AOPEP: variants seen among roughly 807,000 people sequenced by gnomAD.
The protein encoded by AOPEP is aminopeptidase O (putative), also known as aminopeptidase O.
Under a neutral mutation model 98.1 loss-of-function variants are expected in AOPEP, and 77 were observed. That is an observed-to-expected ratio of 0.78 (90% CI 0.65 to 0.95). The LOEUF (loss-of-function observed/expected upper bound fraction) is 0.95, where lower values mean the gene tolerates loss of function less well. Among genes scored for constraint, AOPEP ranks in the 40% least tolerant of loss-of-function variants. The pLI, the probability that AOPEP is intolerant of heterozygous loss-of-function variation, is 0.00. For missense variants in AOPEP, 1,024 were observed against 1,024.7 expected (o/e 1.00, Z 0.01); for synonymous variants, 346 against 365.3 (o/e 0.95, Z 0.60).
chr9:95,011,187 T>C (rs987577613), intron 13 of AOPEP, among the ~76,000 whole-genome samples: 1 of 151,138 alleles, frequency 6.6e-6, no homozygotes, highest in Non-Finnish European at 1.5e-5. Context: ...ATTTACTTAT[T>C]TTTCCTAATT....
intron 10 of AOPEP, among the ~76,000 whole-genome samples, chr9:94,976,614 G>C (rs990860343): frequency 1.4e-4 from 21 of 151,168 alleles, no homozygotes; most frequent in Non-Finnish European, 2.6e-4. Context: ...AATATCTTAT[G>C]GGAAAGGTGG....
chr9:94,863,908 T>C (rs1446433282), intron 5 of AOPEP, among the ~76,000 whole-genome samples: 1 of 152,188 alleles, frequency 6.6e-6, no homozygotes, highest in Non-Finnish European at 1.5e-5. Flanking sequence ...TTCGCTTGCA[T>C]CTTACCAGTT....
chr9:94,920,325 A>G (rs1237082182), intron 5 of AOPEP: 5 of 151,598 alleles, frequency 3.3e-5, no homozygotes, highest in Non-Finnish European at 7.3e-5. Flanking sequence ...CTCCGTCTCA[A>G]AAAAAAAAAT....
intron 4 of AOPEP, among the ~76,000 whole-genome samples, chr9:94,796,672 A>G (rs186021921): frequency 6.6e-6 from 1 of 152,318 alleles, no homozygotes; most frequent in East Asian, 1.9e-4. Context: ...TTTTATGATC[A>G]GTGTTCATGT....
intron 5 of AOPEP, among the ~76,000 whole-genome samples, chr9:94,830,686 T>C (rs1386639351): frequency 1.3e-5 from 2 of 152,224 alleles, no homozygotes; most frequent in Admixed American, 6.5e-5. Context: ...AAAGCATTCT[T>C]TTTTTCTTTG....
intron 5 of AOPEP, among the ~76,000 whole-genome samples, chr9:94,888,294 CGTGTGTGTGT>C (rs59342995): frequency 1.7e-4 from 24 of 137,688 alleles, no homozygotes; most frequent in East Asian, 1.1e-3. Context: ...AGAACCTTAC[CGTGTGTGTGT>C]GTGTGTGTGT....
At chr9:95,012,896 G>A (rs1432415104) in intron 13 of AOPEP, among the ~76,000 whole-genome samples, 3 of 137,970 alleles carry the variant, frequency 2.2e-5, no homozygotes, top group East Asian at 4.3e-4. Context: ...TTTTTTTTTC[G>A]CTATTCAGGT....
At chr9:94,974,295 A>ATT (rs1194471290) in intron 10 of AOPEP, among the ~76,000 whole-genome samples, 2 of 152,194 alleles carry the variant, frequency 1.3e-5, no homozygotes, top group East Asian at 3.9e-4. Flanking sequence ...ATAGGGCATG[A>ATT]TGCAGTGTGA....
chr9:95,050,851 G>C (rs1485805622), intron 13 of AOPEP, among the ~76,000 whole-genome samples: 1 of 152,226 alleles, frequency 6.6e-6, no homozygotes, highest in Non-Finnish European at 1.5e-5. Flanking sequence ...CAGGAACTGG[G>C]AGTAATGGAA....
chr9:94,784,980 C>T (rs1844086697), intron 3 of AOPEP, among the ~76,000 whole-genome samples: 1 of 151,998 alleles, frequency 6.6e-6, no homozygotes, highest in East Asian at 1.9e-4. Flanking sequence ...GTTGCCCAGG[C>T]TGAAGTGCAA....
At chr9:94,787,108 A>G (rs1844599994) in intron 3 of AOPEP, among the ~76,000 whole-genome samples, 1 of 152,238 alleles carries the variant, frequency 6.6e-6, no homozygotes, top group African/African-American at 2.4e-5. Flanking sequence ...AACTTCAGAG[A>G]AGACTGTGAG....
the AOPEP span, among the ~76,000 whole-genome samples, chr9:95,112,019 A>T: frequency 6.6e-6 from 1 of 152,234 alleles, no homozygotes; most frequent in Non-Finnish European, 1.5e-5. Context: ...GGTAGGACGC[A>T]GGCAGAAACA....
At chr9:95,049,973 C>G (rs113770687) in intron 13 of AOPEP, among the ~76,000 whole-genome samples, 1,648 of 152,286 alleles carry the variant, frequency 0.011, 19 homozygotes, top group Non-Finnish European at 0.016. Context: ...CAACTTCAGG[C>G]TGCTCCAGGC....
rs143915012 is a variant in AOPEP at position 94,861,832 on chromosome 9, C to G, written c.1364+60830C>G. On this transcript the variant is annotated intron_variant, in intron 5 of 16. Transcript: ENST00000375315. ...CTGTAACTGCATGGGTCGGGTCCTC[C>G]GTGCTTCTGTAGGACCTGCTCTTCT... Among the ~76,000 whole-genome samples the G allele has an allele frequency of 5.2e-3, 795 of 152,304 alleles. 7 individuals carry two copies. The highest frequency in any genetic ancestry group is 0.01 in the Middle Eastern group (3 of 294).
intron 11 of AOPEP, among the ~76,000 whole-genome samples, chr9:94,981,484 C>T (rs1488756591): frequency 6.6e-6 from 1 of 152,078 alleles, no homozygotes; most frequent in Non-Finnish European, 1.5e-5. Flanking sequence ...CAGAAAAGAC[C>T]CTGATTTAGC....
downstream of AOPEP, among the ~76,000 whole-genome samples, chr9:95,089,843 T>TCC (rs745468968): frequency 6.6e-6 from 1 of 151,892 alleles, no homozygotes; most frequent in African/African-American, 2.4e-5. Context: ...AGATATTAGC[T>TCC]CCCCCCACCC....
chr9:94,780,028 A>C (rs1039585857), intron 3 of AOPEP, among the ~76,000 whole-genome samples: 3 of 152,234 alleles, frequency 2.0e-5, no homozygotes, highest in Non-Finnish European at 4.4e-5. Flanking sequence ...CAGTACTCAC[A>C]TCTGGATGAT....
At chr9:94,734,102 C>T (rs920569996) in intron 1 of AOPEP, among the ~76,000 whole-genome samples, 14 of 152,106 alleles carry the variant, frequency 9.2e-5, no homozygotes, top group African/African-American at 3.4e-4. Flanking sequence ...TGGCAATCCT[C>T]TGAGTTTATA....
rs1457725352 is a variant in AOPEP at position 94,980,016 on chromosome 9, A to C, written c.1977+589A>C. 6.6e-6 allele frequency among the ~76,000 whole-genome samples: 1 copy of C among 152,164 alleles called. No individual in the cohort carries two copies. Among genetic ancestry groups the C allele is most frequent in the African/African-American group, 2.4e-5 (1 of 41,446 alleles). On this transcript the variant is annotated intron_variant, in intron 11 of 16. Coordinates refer to ENST00000375315, the MANE Select transcript of AOPEP (RefSeq NM_001193329.3). The surrounding 1 kb of genome is among the most constrained non-coding windows in gnomAD (Gnocchi z 4.3). Reference sequence around the variant, plus strand: ...TGTCTTAGGGACCTGGGCTCATCCCAGCTGGAGATTGTTGTTCTCTCCCTC... The same window carrying C: ...TGTCTTAGGGACCTGGGCTCATCCCCGCTGGAGATTGTTGTTCTCTCCCTC...
Sources: gnomAD v4.1 joint callset for allele counts (sites outside exome capture counted in the v4.1 genomes callset) on GRCh38, gnomAD v4.1.1 for gene constraint, Gnocchi (gnomAD v3.1) non-coding constraint, MANE v1.5 for transcripts, NCBI Gene and HGNC (gene_info 2026-07-23, HGNC 2026-07-21) for gene names.